MAST4: variants seen among roughly 807,000 people sequenced by gnomAD.
The protein encoded by MAST4 is microtubule associated serine/threonine kinase family member 4, also known as microtubule-associated serine/threonine-protein kinase 4.
A neutral mutation model predicts 162.7 loss-of-function variants in MAST4; 89 were observed. The ratio of observed to expected loss-of-function variants is 0.55; its 90% confidence interval spans 0.46 to 0.65. The LOEUF is 0.65. MAST4 is among the 30% of genes least tolerant of loss of function. The pLI is 0.00. For synonymous variants in MAST4, 1,479 were observed against 1,361.1 expected (o/e 1.09, Z -1.91); for missense variants, 3,153 against 3,374.0 (o/e 0.93, Z 1.62).
intron 1 of MAST4, among the ~76,000 whole-genome samples, chr5:66,729,670 A>T (rs942254879): frequency 2.0e-5 from 3 of 151,992 alleles, no homozygotes; most frequent in Admixed American, 1.3e-4. Flanking sequence ...GACCCTCTTA[A>T]TTTTTCCCCC....
intron 1 of MAST4, among the ~76,000 whole-genome samples, chr5:66,669,001 G>A (rs1047289928): frequency 2.6e-5 from 4 of 152,210 alleles, no homozygotes; most frequent in African/African-American, 9.7e-5. Flanking sequence ...AGTATCCAGA[G>A]CTCTAAAAAT....
chr5:66,938,798 G>C (rs1160336106), intron 4 of MAST4, among the ~76,000 whole-genome samples: 1 of 152,128 alleles, frequency 6.6e-6, no homozygotes, highest in Admixed American at 6.6e-5. Context: ...ATGGTACAGT[G>C]ATTTGTGGAC....
chr5:66,800,960 G>A (rs1370504752), intron 3 of MAST4, among the ~76,000 whole-genome samples: 1 of 152,104 alleles, frequency 6.6e-6, no homozygotes, highest in Non-Finnish European at 1.5e-5. Flanking sequence ...TGGATCTTTA[G>A]AAGATTAACA....
intron 4 of MAST4, among the ~76,000 whole-genome samples, chr5:66,995,221 A>G (rs756704115): frequency 6.6e-6 from 1 of 152,206 alleles, no homozygotes; most frequent in Non-Finnish European, 1.5e-5. Flanking sequence ...TTATTAATGC[A>G]TATGCATTAT....
In MAST4 at chr5:67,145,174, T is replaced by C. The variant is rs1770918219; in HGVS notation, c.2889T>C (p.Asp963=). 9 of 1,612,320 alleles carry C rather than the reference T, an allele frequency of 5.6e-6. No individual in the cohort carries two copies. Among genetic ancestry groups the C allele is most frequent in the Non-Finnish European group, 7.6e-6 (9 of 1,179,166 alleles). Reference sequence around the variant, plus strand: ...AGCTATCAACATCCAACTCTTCAGATACTGAAAGCAACAGACATAAACTCA... The same window carrying C: ...AGCTATCAACATCCAACTCTTCAGACACTGAAAGCAACAGACATAAACTCA... ...MQQLSTSNSS[D]TESNRHKLSS... The change falls in exon 23 of 29, where the codon GAT becomes GAC. Residue 963 remains aspartate (D), a synonymous_variant. Coordinates refer to ENST00000403625, the MANE Select transcript of MAST4 (RefSeq NM_001164664.2).
At chr5:67,136,220 T>TTAAAA in intron 18 of MAST4, among the ~76,000 whole-genome samples, 1 of 152,346 alleles carries the variant, frequency 6.6e-6, no homozygotes, top group East Asian at 1.9e-4. Flanking sequence ...AGAGTTTCTA[T>TTAAAA]TATTTTAAGT....
intron 1 of MAST4, among the ~76,000 whole-genome samples, chr5:66,759,020 G>A (rs1753708923): frequency 1.3e-5 from 2 of 152,204 alleles, no homozygotes; most frequent in African/African-American, 4.8e-5. Flanking sequence ...CTTGAAATAA[G>A]TGTTGTGACA....
At chr5:67,005,234 T>C (rs935847943) in intron 4 of MAST4, 17 of 637,810 alleles carry the variant, frequency 2.7e-5, no homozygotes, top group Non-Finnish European at 4.3e-5. Flanking sequence ...GAGGGGGTAC[T>C]GTTTCAGGTA....
chr5:66,788,700 G>A lies in MAST4; in HGVS notation c.548G>A (p.Gly183Glu). 1 of 1,613,542 alleles carries A rather than the reference G, an allele frequency of 6.2e-7. No homozygotes were observed. The highest frequency in any genetic ancestry group is 8.5e-7 in the Non-Finnish European group (1 of 1,179,652). Residue 183 changes from glycine (G) to glutamate (E), a missense_variant, in exon 3 of 29, where the codon GGA becomes GAA. Gly to Glu is a moderately conservative substitution (Grantham distance 98). This residue lies in a region of MAST4 where 327 missense variants were observed against 336.5 expected (regional missense o/e 0.97). Coordinates refer to ENST00000403625, the MANE Select transcript of MAST4 (RefSeq NM_001164664.2). ...TACCTTCTTCCAAACCCGGTGGCGG[G>A]ACAGGCCTGGCCGGCCTCTGCAGAG... ...GRYLLPNPVA[G>E]QAWPASAETS...
At chr5:66,685,261 TCAAACAAAACAAAACAAAA>T (rs72374381) in intron 1 of MAST4, among the ~76,000 whole-genome samples, 15,367 of 100,736 alleles carry the variant, frequency 0.15, 919 homozygotes, top group Admixed American at 0.24. Context: ...AGACCTTGTC[TCAAACAAAACAAAACAAAA>T]CAAAACAAAA....
intron 3 of MAST4, among the ~76,000 whole-genome samples, chr5:66,886,482 C>T (rs373569589): frequency 4.6e-5 from 7 of 151,928 alleles, no homozygotes; most frequent in East Asian, 1.9e-4. Context: ...GTTCTAACGT[C>T]GATTCTCCCC....
At chr5:66,745,229 T>C (rs1371443322) in intron 1 of MAST4, among the ~76,000 whole-genome samples, 1 of 152,190 alleles carries the variant, frequency 6.6e-6, no homozygotes, top group Non-Finnish European at 1.5e-5. Context: ...CACCACTGTT[T>C]TCTGATCCTT....
chr5:66,599,666 C>A (rs981062707), intron 1 of MAST4, among the ~76,000 whole-genome samples: 1 of 152,152 alleles, frequency 6.6e-6, no homozygotes, highest in African/African-American at 2.4e-5. Context: ...TGCTGCATAA[C>A]TTATATGCTA....
At position 66,650,683 on chromosome 5, in the gene MAST4, AG is replaced by A. The variant is rs550835262; in HGVS notation, c.363+53666del. Among the ~76,000 whole-genome samples, 1,026 of 152,334 alleles carry A rather than the reference AG, an allele frequency of 6.7e-3. 2 individuals carry two copies. The highest frequency in any genetic ancestry group is 0.028 in the South Asian group (137 of 4,832). ...TCATGAGCTGGTGCAAACTGGCTCC[AG>A]TATATCAGTGGGTTAGCCCAAATAC... On this transcript the variant is annotated intron_variant, in intron 1 of 28. Transcript: ENST00000403625.
chr5:66,739,747 A>G (rs1752375928), intron 1 of MAST4, among the ~76,000 whole-genome samples: 1 of 151,660 alleles, frequency 6.6e-6, no homozygotes, highest in Non-Finnish European at 1.5e-5. Context: ...GAATGGGATT[A>G]TGTTTTCCCA....
At chr5:66,915,740 G>A (rs1182892398) in intron 4 of MAST4, among the ~76,000 whole-genome samples, 1 of 152,208 alleles carries the variant, frequency 6.6e-6, no homozygotes, top group African/African-American at 2.4e-5. Context: ...TCCTGCACTG[G>A]GGGGCTAGTC....
chr5:66,655,253 A>T (rs1303887000), intron 1 of MAST4, among the ~76,000 whole-genome samples: 1 of 152,160 alleles, frequency 6.6e-6, no homozygotes, highest in Non-Finnish European at 1.5e-5. Flanking sequence ...AAATAAAAAA[A>T]ATTGGGGTTC....
At chr5:66,943,880 C>A (rs1252853504) in intron 4 of MAST4, among the ~76,000 whole-genome samples, 1 of 152,008 alleles carries the variant, frequency 6.6e-6, no homozygotes, top group Non-Finnish European at 1.5e-5. Context: ...AATCATTATG[C>A]AAGGTGTGTT....
chr5:66,937,977 G>A (rs941864569), intron 4 of MAST4, among the ~76,000 whole-genome samples: 2 of 151,512 alleles, frequency 1.3e-5, no homozygotes, highest in African/African-American at 4.9e-5. Context: ...TGTTGTCATT[G>A]GCAGCAAAAC....
Sources: gnomAD v4.1 joint callset for allele counts (sites outside exome capture counted in the v4.1 genomes callset) on GRCh38, gnomAD v4.1.1 for gene constraint, gnomAD v4.1.1 regional missense constraint, MANE v1.5 for transcripts, NCBI Gene and HGNC (gene_info 2026-07-23, HGNC 2026-07-21) for gene names.